The following TLE3 variants were observed in gnomAD, a reference collection of about 807,000 sequenced individuals.
The protein encoded by TLE3 is TLE family member 3, transcriptional corepressor, also known as transducin-like enhancer protein 3.
A neutral mutation model predicts 93.0 loss-of-function variants in TLE3; 14 were observed. That is an observed-to-expected ratio of 0.15 (90% CI 0.10 to 0.24). The LOEUF (loss-of-function observed/expected upper bound fraction) is 0.24. TLE3 is among the 10% of genes least tolerant of loss of function. The pLI is 1.00. For synonymous variants in TLE3, 451 were observed against 425.0 expected (o/e 1.06, Z -0.75); for missense variants, 693 against 1,046.6 (o/e 0.66, Z 4.66).
chr15:70,077,329 G>A (rs780968930), intron 4 of TLE3, among the ~76,000 whole-genome samples: 1 of 152,132 alleles, frequency 6.6e-6, no homozygotes, highest in African/African-American at 2.4e-5. Context: ...TCCTGAGCCC[G>A]CCAGGACTGA....
intron 2 of TLE3, 23 bp downstream of exon 2, chr15:70,096,138 G>C: frequency 6.5e-7 from 1 of 1,541,822 alleles, no homozygotes; most frequent in Non-Finnish European, 8.8e-7. Flanking sequence ...CGCCAGCCCC[G>C]GGGCGGCCCC....
chr15:70,063,887 G>A (rs151321068), intron 8 of TLE3, among the ~76,000 whole-genome samples: 1,958 of 152,306 alleles, frequency 0.013, 9 homozygotes, highest in Middle Eastern at 0.041. Context: ...AACTGCAGGC[G>A]TTTGAAGGGA....
chr15:70,056,417 A>T (rs894910740), intron 13 of TLE3, 43 bp from the exon 14 acceptor site: 13 of 1,573,436 alleles, frequency 8.3e-6, no homozygotes, highest in Non-Finnish European at 8.7e-6. Flanking sequence ...CCGTGCTGCC[A>T]CACACCCCCA....
chr15:70,050,404 A>T, intron 19 of TLE3, 200 bp from the exon 20 acceptor site: 1 of 507,032 alleles, frequency 2.0e-6, no homozygotes, highest in Non-Finnish European at 3.6e-6. Flanking sequence ...CCCATGAAGC[A>T]TTTTCAGGTA....
intron 4 of TLE3, among the ~76,000 whole-genome samples, chr15:70,078,368 T>C (rs2057557950): frequency 6.6e-6 from 1 of 152,010 alleles, no homozygotes. Context: ...CAAATAAGAA[T>C]AGAAAGATAT....
intron 4 of TLE3, among the ~76,000 whole-genome samples, chr15:70,091,956 G>A (rs1202426467): frequency 1.3e-5 from 2 of 152,134 alleles, no homozygotes; most frequent in African/African-American, 2.4e-5. Context: ...TTATATAAAA[G>A]TACAGACAGT....
At chr15:70,095,356 C>G (rs576462725) in intron 3 of TLE3, 7 of 1,432,782 alleles carry the variant, frequency 4.9e-6, no homozygotes, top group African/African-American at 1.4e-5. Context: ...GGCCTGGAAT[C>G]GGGGTTTCTC....
chr15:70,074,746 TA>T (rs1595942907), intron 5 of TLE3, 139 bp from the exon 6 acceptor site: 2 of 565,878 alleles, frequency 3.5e-6, no homozygotes, highest in Non-Finnish European at 6.0e-6. Flanking sequence ...AGGGCACAAG[TA>T]GGGGGGAGGG....
At chr15:70,063,107 G>C (rs918526981) in intron 8 of TLE3, among the ~76,000 whole-genome samples, 1 of 152,186 alleles carries the variant, frequency 6.6e-6, no homozygotes, top group African/African-American at 2.4e-5. Flanking sequence ...CCTCAGTCAG[G>C]TTATAAAGGG....
At chr15:70,071,414 T>C (rs996572540) in intron 6 of TLE3, among the ~76,000 whole-genome samples, 4 of 152,022 alleles carry the variant, frequency 2.6e-5, no homozygotes, top group Non-Finnish European at 5.9e-5. Flanking sequence ...TGTCTTTCCT[T>C]CCCCTTTTCA....
At chr15:70,054,738 C>T in intron 15 of TLE3, 53 bp from the exon 16 acceptor site, 1 of 1,500,900 alleles carries the variant, frequency 6.7e-7, no homozygotes, top group Non-Finnish European at 8.9e-7. Context: ...TCCTGGGCAC[C>T]AGGAGAGTCC....
chr15:70,088,504 TC>T (rs2058141615), intron 4 of TLE3, among the ~76,000 whole-genome samples: 1 of 152,228 alleles, frequency 6.6e-6, no homozygotes, highest in Non-Finnish European at 1.5e-5. Flanking sequence ...GCTGTGAGTC[TC>T]AGAGAGCATT....
chr15:70,096,454 C>T (rs2058567409), intron 1 of TLE3, 193 bp from the exon 2 acceptor site: 2 of 1,184,588 alleles, frequency 1.7e-6, no homozygotes, highest in Admixed American at 2.8e-5. Context: ...AGCGGGGCTC[C>T]CATGCCTTTC....
At chr15:70,067,342 A>T (rs2056876834) in intron 6 of TLE3, among the ~76,000 whole-genome samples, 1 of 152,184 alleles carries the variant, frequency 6.6e-6, no homozygotes, top group South Asian at 2.1e-4. Context: ...ACTAACATTT[A>T]CTGAATGCCT....
Position 70,068,900 on chromosome 15 carries a change from C to G in TLE3, c.373-2682G>C, listed in dbSNP as rs573145727. Among the ~76,000 whole-genome samples the G allele has an allele frequency of 4.3e-4, 65 of 152,330 alleles. 1 individual carries two copies. In the South Asian group the frequency reaches 0.013, roughly 30 times the overall value. ...AGCTCTAACGGCACAGACAATGGAG[C>G]CAGGCAGAATAAGGCAGACTTCCAG... On this transcript the variant is annotated intron_variant, in intron 6 of 19. Transcript: ENST00000451782.
intron 4 of TLE3, among the ~76,000 whole-genome samples, chr15:70,085,228 C>T (rs941177137): frequency 3.3e-5 from 5 of 152,332 alleles, no homozygotes; most frequent in Admixed American, 2.6e-4. Flanking sequence ...CAAAGTCACA[C>T]ACCAACATGA....
intron 4 of TLE3, among the ~76,000 whole-genome samples, chr15:70,093,589 A>G (rs1314048274): frequency 6.6e-6 from 1 of 152,238 alleles, no homozygotes; most frequent in Non-Finnish European, 1.5e-5. Flanking sequence ...TATACGTGCC[A>G]AGTCAACTCT....
At chr15:70,081,116 T>C (rs1361979145) in intron 4 of TLE3, among the ~76,000 whole-genome samples, 1 of 152,250 alleles carries the variant, frequency 6.6e-6, no homozygotes, top group Non-Finnish European at 1.5e-5. Flanking sequence ...AGCTGGCTTC[T>C]ACCTCCAATT....
chr15:70,056,502 G>C, intron 13 of TLE3, 128 bp from the exon 14 acceptor site: 1 of 777,144 alleles, frequency 1.3e-6, no homozygotes, highest in Non-Finnish European at 2.1e-6. Flanking sequence ...GAGACAAGCT[G>C]AGCAGAGCAG....
Sources: allele counts gnomAD v4.1 joint callset (sites outside exome capture counted in the v4.1 genomes callset), GRCh38; gene constraint gnomAD v4.1.1; transcripts MANE v1.5; gene names NCBI Gene and HGNC (gene_info 2026-07-23, HGNC 2026-07-21).